FTCDNL1: variants seen among roughly 807,000 people sequenced by gnomAD.
FTCDNL1 encodes formiminotransferase N-terminal subdomain-containing protein.
FTCDNL1 carries 11 observed loss-of-function variants against 5.9 expected under a neutral mutation model. That is an observed-to-expected ratio of 1.87 (90% CI 1.18 to 3.10). The LOEUF (loss-of-function observed/expected upper bound fraction) is 3.10, where lower values mean the gene tolerates loss of function less well. Among genes scored for constraint, FTCDNL1 ranks in the 30% most tolerant of loss-of-function variants. The pLI is 0.00. For synonymous variants in FTCDNL1, 58 were observed against 24.8 expected (o/e 2.34, Z -3.99); for missense variants, 115 against 65.5 (o/e 1.76, Z -2.61).
chr2:199,697,917 A>C, the FTCDNL1 span, among the ~76,000 whole-genome samples: 1 of 152,230 alleles, frequency 6.6e-6, no homozygotes, highest in Non-Finnish European at 1.5e-5. Context: ...AAAGGCTCAC[A>C]GTAAAGAGAT....
At chr2:199,722,192 A>C in the FTCDNL1 span, among the ~76,000 whole-genome samples, 1 of 152,166 alleles carries the variant, frequency 6.6e-6, no homozygotes, top group South Asian at 2.1e-4. Context: ...TCATCATGAA[A>C]TCTTTGCCTG....
chr2:199,826,464 T>C (rs1268040157), intron 3 of FTCDNL1, among the ~76,000 whole-genome samples: 1 of 145,420 alleles, frequency 6.9e-6, no homozygotes, highest in Non-Finnish European at 1.5e-5. Context: ...AAATCACCAA[T>C]TCCTTATCTA....
chr2:199,716,283 ACAGT>A, the FTCDNL1 span, among the ~76,000 whole-genome samples: 1 of 152,170 alleles, frequency 6.6e-6, no homozygotes, highest in Non-Finnish European at 1.5e-5. Flanking sequence ...ACCAAATAAA[ACAGT>A]CAGCTTGGGA....
intron 3 of FTCDNL1, among the ~76,000 whole-genome samples, chr2:199,829,754 C>T (rs528311373): frequency 6.6e-6 from 1 of 152,248 alleles, no homozygotes; most frequent in Admixed American, 6.5e-5. Flanking sequence ...AATTGTTAAA[C>T]AGAACTGCAT....
chr2:199,677,416 T>C, the FTCDNL1 span, among the ~76,000 whole-genome samples: 1 of 152,170 alleles, frequency 6.6e-6, no homozygotes, highest in Admixed American at 6.6e-5. Flanking sequence ...AAAAAAGTGA[T>C]CATGCCATCT....
intron 3 of FTCDNL1, among the ~76,000 whole-genome samples, chr2:199,761,403 C>T (rs762322913): frequency 2.0e-5 from 3 of 152,186 alleles, no homozygotes; most frequent in Non-Finnish European, 4.4e-5. Context: ...GATGAGATTA[C>T]GTCTCTCTCC....
chr2:199,735,379 T>A, the FTCDNL1 span, among the ~76,000 whole-genome samples: 2 of 152,210 alleles, frequency 1.3e-5, no homozygotes, highest in African/African-American at 4.8e-5. Flanking sequence ...AGACTCTGTG[T>A]TCTGCTTTAT....
the FTCDNL1 span, among the ~76,000 whole-genome samples, chr2:199,740,480 C>T: frequency 6.6e-6 from 1 of 152,292 alleles, no homozygotes; most frequent in South Asian, 2.1e-4. Context: ...TGGGAGCTGC[C>T]CGGAGGAGTG....
At chr2:199,771,282 C>T (rs1458988537) in intron 3 of FTCDNL1, among the ~76,000 whole-genome samples, 1 of 152,100 alleles carries the variant, frequency 6.6e-6, no homozygotes, top group African/African-American at 2.4e-5. Context: ...CAGAACATCG[C>T]CATGTGGGTT....
chr2:199,725,660 A>T, the FTCDNL1 span, among the ~76,000 whole-genome samples: 2 of 152,142 alleles, frequency 1.3e-5, no homozygotes, highest in East Asian at 3.9e-4. Context: ...GTTTGGCCAG[A>T]TATGAAATTC....
At chr2:199,782,870 T>C (rs1208490157) in intron 3 of FTCDNL1, among the ~76,000 whole-genome samples, 2 of 152,256 alleles carry the variant, frequency 1.3e-5, no homozygotes, top group Non-Finnish European at 1.5e-5. Context: ...CTTCAGTTAG[T>C]GGCTTCCATG....
Position 199,841,417 on chromosome 2 carries a change from A to G in FTCDNL1, c.211+4658T>C, listed in dbSNP as rs117846486. 3.0e-3 allele frequency among the ~76,000 whole-genome samples: 453 copies of G among 152,226 alleles called. 14 individuals carry two copies. In the East Asian group the frequency reaches 0.076, roughly 25 times the overall value. On this transcript the variant is annotated intron_variant, in intron 3 of 4. Transcript: ENST00000420128. ...TAAATAAATAAATAAATAAATACCA[A>G]TGTCCAAAATATTGGGGAAAAACCT...
chr2:199,710,926 C>T, the FTCDNL1 span, among the ~76,000 whole-genome samples: 1 of 151,990 alleles, frequency 6.6e-6, no homozygotes, highest in Non-Finnish European at 1.5e-5. Flanking sequence ...GAAGTGAGTG[C>T]TATGTTCTAT....
At chr2:199,786,675 A>T (rs1379731619) in intron 3 of FTCDNL1, among the ~76,000 whole-genome samples, 1 of 152,200 alleles carries the variant, frequency 6.6e-6, no homozygotes, top group Non-Finnish European at 1.5e-5. Context: ...ATATTTTTTC[A>T]TATTTTAATG....
intron 3 of FTCDNL1, among the ~76,000 whole-genome samples, chr2:199,829,478 A>C (rs150803682): frequency 1.2e-3 from 180 of 152,306 alleles, no homozygotes; most frequent in African/African-American, 4.2e-3. Flanking sequence ...ATGCAATTAG[A>C]TGTTTCTCAG....
At chr2:199,824,684 G>C (rs1444972837) in intron 3 of FTCDNL1, among the ~76,000 whole-genome samples, 1 of 152,190 alleles carries the variant, frequency 6.6e-6, no homozygotes, top group Non-Finnish European at 1.5e-5. Context: ...CAATACTGTT[G>C]TGTCTCAGTA....
chr2:199,735,688 G>A, the FTCDNL1 span, among the ~76,000 whole-genome samples: 1 of 152,144 alleles, frequency 6.6e-6, no homozygotes, highest in African/African-American at 2.4e-5. Flanking sequence ...GTTTGGTGGT[G>A]AGCAAGCACA....
chr2:199,778,981 A>G (rs1028993334), intron 3 of FTCDNL1, among the ~76,000 whole-genome samples: 5 of 152,216 alleles, frequency 3.3e-5, no homozygotes, highest in African/African-American at 1.2e-4. Context: ...GTAAGGAGGA[A>G]CACTCAGTCG....
chr2:199,758,395 A>G (rs1006149125), downstream of FTCDNL1, among the ~76,000 whole-genome samples: 1 of 151,976 alleles, frequency 6.6e-6, no homozygotes, highest in Non-Finnish European at 1.5e-5. Flanking sequence ...CTGTATAGTT[A>G]AGAAATTATG....
Sources: allele counts gnomAD v4.1 joint callset (sites outside exome capture counted in the v4.1 genomes callset), GRCh38; gene constraint gnomAD v4.1.1; transcripts MANE v1.5; gene names NCBI Gene and HGNC (gene_info 2026-07-23, HGNC 2026-07-21).